Variants in PSMD13 observed in about 807,000 individuals in gnomAD.
PSMD13 encodes 26S proteasome non-ATPase regulatory subunit 13.
PSMD13 carries 8 observed loss-of-function variants against 57.4 expected under a neutral mutation model. That is an observed-to-expected ratio of 0.14 (90% CI 0.08 to 0.25). PSMD13 has a LOEUF of 0.25. PSMD13 is among the 10% of genes least tolerant of loss of function. The probability of loss-of-function intolerance (pLI) is 1.00; values close to 1 mark genes in which losing one functional copy is unlikely to be tolerated. For synonymous variants in PSMD13, 193 were observed against 168.2 expected, an observed-to-expected ratio of 1.15 and a Z score of -1.14; for missense variants, 400 against 461.5, an observed-to-expected ratio of 0.87 and a Z score of 1.22.
At chr11:240,854 G>A (rs897602642) in intron 2 of PSMD13, among the ~76,000 whole-genome samples, 9 of 152,014 alleles carry the variant, frequency 5.9e-5, no homozygotes, top group Non-Finnish European at 1.2e-4. Flanking sequence ...TTTTTGAGAC[G>A]GAGTTTCATT....
At chr11:247,530 C>G (rs1040403243) in intron 7 of PSMD13, 82 bp downstream of exon 7, 1 of 1,485,792 alleles carries the variant, frequency 6.7e-7, no homozygotes, top group South Asian at 1.3e-5. Context: ...GGTGACAGTT[C>G]TCAGAAATTA....
chr11:243,733 A>G (rs185574047), intron 2 of PSMD13, among the ~76,000 whole-genome samples: 28 of 152,342 alleles, frequency 1.8e-4, no homozygotes, highest in Admixed American at 5.9e-4. Flanking sequence ...AGCTTACAGT[A>G]CCTGGAAGAA....
At chr11:245,107 A>AT (rs1333950119) in intron 6 of PSMD13, among the ~76,000 whole-genome samples, 1 of 151,864 alleles carries the variant, frequency 6.6e-6, no homozygotes, top group Non-Finnish European at 1.5e-5. Flanking sequence ...TGCCCGGCTA[A>AT]TTTTTTTGTA....
In PSMD13 at chr11:248,925, C is replaced by G; in HGVS notation, c.649-7C>G. On this transcript the variant is annotated splice_region_variant and splice_polypyrimidine_tract_variant and intron_variant, in intron 8 of 12. Coordinates refer to ENST00000532097, the MANE Select transcript of PSMD13 (RefSeq NM_002817.4). ...GTGTTACTAGCTGACCATCTCCATCCTCACAGCTCATGCACCCTGTGCTGG... is the reference window on the plus strand; with the variant it reads ...GTGTTACTAGCTGACCATCTCCATCGTCACAGCTCATGCACCCTGTGCTGG... The G allele has an allele frequency of 6.2e-7, 1 of 1,614,192 alleles. No individual in the cohort carries two copies.
chr11:239,194 T>A, intron 2 of PSMD13, 118 bp downstream of exon 2: 1 of 998,042 alleles, frequency 1.0e-6, no homozygotes, highest in Non-Finnish European at 1.6e-6. Flanking sequence ...TCACTTTACG[T>A]CAGGTACTGG....
At position 252,763 on chromosome 11, in the gene PSMD13, G is replaced by T; in HGVS notation, c.*163G>T. The T allele has an allele frequency of 1.6e-6, 1 of 629,066 alleles. No homozygotes were observed. The highest frequency in any genetic ancestry group is 2.8e-6 in the Non-Finnish European group (1 of 363,414). The allele number at this position is 629,066 out of a possible 1,614,324, so 39.0% of individuals were successfully genotyped here. ...CTCTAAAAACAGGACTGTCCCTGAT[G>T]GGAGCCAGGCCACAGGGAGGAGGCT... On this transcript the variant is annotated 3_prime_UTR_variant, in exon 13 of 13. Coordinates refer to ENST00000532097, the MANE Select transcript of PSMD13 (RefSeq NM_002817.4). The surrounding 1 kb of genome is among the most constrained non-coding windows in gnomAD (Gnocchi z 4.1).
At position 247,396 on chromosome 11, in the gene PSMD13, C is replaced by T. The variant is rs1441347918; in HGVS notation, c.516C>T (p.Tyr172=). Residue 172 remains tyrosine, a synonymous_variant, in exon 7 of 13, where the codon TAC becomes TAT. Transcript: ENST00000532097. ...AAACAATCGGAAACCACGCGTCCTA[C>T]TACAAAGATGCTCTGCGGTTTTTGG... ...YYQTIGNHAS[Y]YKDALRFLGC... The T allele has an allele frequency of 1.2e-6, 2 of 1,608,030 alleles. No individual in the cohort carries two copies. The highest frequency in any genetic ancestry group is 1.7e-6 in the Non-Finnish European group (2 of 1,176,438).
chr11:245,160 C>G (rs949290794), intron 6 of PSMD13, among the ~76,000 whole-genome samples: 1 of 152,168 alleles, frequency 6.6e-6, no homozygotes, highest in Non-Finnish European at 1.5e-5. Flanking sequence ...CCAGGCTGGT[C>G]TGGAACTCCT....
intron 5 of PSMD13, 97 bp downstream of exon 5, chr11:244,566 C>CTT: frequency 6.6e-7 from 1 of 1,512,228 alleles, no homozygotes; most frequent in Non-Finnish European, 9.2e-7. Flanking sequence ...CTTTAGAGAC[C>CTT]ACAAGGCCTC....
intron 2 of PSMD13, among the ~76,000 whole-genome samples, chr11:242,285 C>T (rs192041754): frequency 6.8e-6 from 1 of 148,146 alleles, no homozygotes; most frequent in African/African-American, 2.5e-5. Context: ...TGAGGAAGTG[C>T]TCAAGTGTGC....
intron 1 of PSMD13, 118 bp from the exon 2 acceptor site, chr11:238,880 T>C (rs952937301): frequency 5.1e-6 from 5 of 985,274 alleles, no homozygotes; most frequent in Non-Finnish European, 8.1e-6. Context: ...TTTTGGAGTT[T>C]TGGAGTTTTG....
intron 5 of PSMD13, 47 bp from the exon 6 acceptor site, chr11:244,628 A>C (rs1280502479): frequency 6.4e-7 from 1 of 1,568,164 alleles, no homozygotes. Flanking sequence ...TTTGTTAGTC[A>C]ACTGCCCACA....
chr11:251,886 A>G lies in PSMD13; in HGVS notation c.985A>G (p.Lys329Glu), dbSNP rs758132293. ...GAAAGGCAGTATAGACGAGGTGGACAAACGAGTCCACATGACCTGGGTGCA... is the reference window on the plus strand; with the variant it reads ...GAAAGGCAGTATAGACGAGGTGGACGAACGAGTCCACATGACCTGGGTGCA... ...LVKGSIDEVD[K>E]RVHMTWVQPR... Residue 329 changes from lysine to glutamate, a missense_variant, in exon 12 of 13, where the codon AAA becomes GAA. Transcript: ENST00000532097. The surrounding 1 kb of genome is among the most constrained non-coding windows in gnomAD (Gnocchi z 4.6). The G allele has an allele frequency of 2.5e-6, 4 of 1,614,088 alleles. No individual in the cohort carries two copies. The highest frequency in any genetic ancestry group is 2.7e-5 in the African/African-American group (2 of 74,934).
At chr11:240,202 C>T (rs951276095) in intron 2 of PSMD13, among the ~76,000 whole-genome samples, 4 of 148,252 alleles carry the variant, frequency 2.7e-5, no homozygotes, top group Non-Finnish European at 5.9e-5. Flanking sequence ...TTCCACCTCC[C>T]GAGTTCAAGC....
intron 9 of PSMD13, 67 bp downstream of exon 9, chr11:249,124 A>C: frequency 6.3e-7 from 1 of 1,590,766 alleles, no homozygotes; most frequent in Non-Finnish European, 8.5e-7. Context: ...ACAGATGTTC[A>C]TTGAGCGTCT....
intron 2 of PSMD13, among the ~76,000 whole-genome samples, chr11:242,102 T>C (rs995101260): frequency 2.0e-5 from 3 of 150,634 alleles, no homozygotes; most frequent in African/African-American, 7.4e-5. Context: ...CTTTGAAGCC[T>C]CTCCCTTTGG....
intron 6 of PSMD13, 120 bp from the exon 7 acceptor site, chr11:247,157 A>C: frequency 7.6e-6 from 7 of 917,080 alleles, no homozygotes; most frequent in Non-Finnish European, 1.1e-5. Context: ...CTGAGGTGGG[A>C]GGATCACTTG....
At chr11:249,774 T>C (rs1859736151) in intron 9 of PSMD13, among the ~76,000 whole-genome samples, 1 of 152,132 alleles carries the variant, frequency 6.6e-6, no homozygotes. Flanking sequence ...TTTAATGAGA[T>C]TATTAGAAGT....
chr11:241,178 C>T (rs1308894844), intron 2 of PSMD13, among the ~76,000 whole-genome samples: 4 of 151,936 alleles, frequency 2.6e-5, no homozygotes, highest in Admixed American at 2.6e-4. Flanking sequence ...CTCGCACTGT[C>T]GCCCAGGCTG....
Sources: allele counts gnomAD v4.1 joint callset (sites outside exome capture counted in the v4.1 genomes callset), GRCh38; gene constraint gnomAD v4.1.1; non-coding constraint Gnocchi (gnomAD v3.1); transcripts MANE v1.5; gene names NCBI Gene and HGNC (gene_info 2026-07-23, HGNC 2026-07-21).